The following WWP2 variants were observed in gnomAD, a reference collection of about 807,000 sequenced individuals.
WWP2 encodes the protein WW domain containing E3 ubiquitin protein ligase 2.
Under a neutral mutation model 121.0 loss-of-function variants are expected in WWP2, and 57 were observed. That is an observed-to-expected ratio of 0.47 (90% CI 0.38 to 0.59). WWP2 has a LOEUF of 0.59. WWP2 is among the 20% of genes least tolerant of loss of function. The probability of loss-of-function intolerance (pLI) is 0.00; values close to 1 mark genes in which losing one functional copy is unlikely to be tolerated. For missense variants in WWP2, 962 were observed against 1,158.9 expected (o/e 0.83, Z 2.47); for synonymous variants, 449 against 441.3 (o/e 1.02, Z -0.22).
In WWP2 at chr16:69,887,565, C is replaced by T. The variant is rs910482005; in HGVS notation, c.704-474C>T. ...GGATTATAGGTGTGCGCCACCATGC[C>T]CAGCTAAATTTTGTATTTTTAGCAG... On this transcript the variant is annotated intron_variant, in intron 7 of 23. Transcript: ENST00000359154. Among the ~76,000 whole-genome samples the T allele has an allele frequency of 4.6e-5, 7 of 152,214 alleles. No homozygotes were observed. The South Asian group carries it at 1.4e-3, about 32-fold the overall frequency.
chr16:69,861,452 C>T (rs916036874), intron 6 of WWP2, among the ~76,000 whole-genome samples: 1 of 152,076 alleles, frequency 6.6e-6, no homozygotes, highest in East Asian at 1.9e-4. Context: ...GTTTGTCTTC[C>T]GGAAGTCTTT....
chr16:69,848,186 G>A (rs541960974), intron 6 of WWP2, among the ~76,000 whole-genome samples: 1 of 152,282 alleles, frequency 6.6e-6, no homozygotes, highest in South Asian at 2.1e-4. Flanking sequence ...CAGCGTGCAG[G>A]CTGGGTGTAA....
Position 69,799,481 on chromosome 16 carries a change from CT to C in WWP2, c.340+187del. On this transcript the variant is annotated intron_variant, in intron 4 of 23. Transcript: ENST00000359154. The surrounding 1 kb of genome is among the most constrained non-coding windows in gnomAD (Gnocchi z 4.5). ...TCTGCCTCCACTACAGAGTTTAGCC[CT>C]CTTTGTCCAGGGCCTCTAGTAATGT... The C allele has an allele frequency of 1.3e-6, 1 of 744,678 alleles. No individual in the cohort carries two copies. The highest frequency in any genetic ancestry group is 2.2e-5 in the South Asian group (1 of 45,754). The allele number at this position is 744,678 out of a possible 1,614,324, so 46.1% of individuals were successfully genotyped here.
chr16:69,846,049 C>G (rs540589600), intron 6 of WWP2, among the ~76,000 whole-genome samples: 5 of 45,596 alleles, frequency 1.1e-4, no homozygotes, highest in African/African-American at 4.1e-4. Flanking sequence ...GACTCCATCT[C>G]AAAAAAAAAA....
At chr16:69,764,632 TC>T (rs898291347) in intron 1 of WWP2, among the ~76,000 whole-genome samples, 5 of 152,196 alleles carry the variant, frequency 3.3e-5, no homozygotes, top group African/African-American at 1.2e-4. Flanking sequence ...AGCTTCCTCT[TC>T]CTGGGAAAAC....
intron 10 of WWP2, among the ~76,000 whole-genome samples, chr16:69,918,653 T>C (rs928392745): frequency 6.6e-6 from 1 of 152,220 alleles, no homozygotes; most frequent in Non-Finnish European, 1.5e-5. Context: ...CTTCTGCCCC[T>C]TCCCATCTGA....
At position 69,825,836 on chromosome 16, in the gene WWP2, A is replaced by G. The variant is rs189613100; in HGVS notation, c.341-14290A>G. Among the ~76,000 whole-genome samples, 337 of 152,220 alleles carry G rather than the reference A, an allele frequency of 2.2e-3. 2 individuals are homozygous for G. The highest frequency in any genetic ancestry group is 5.6e-3 in the South Asian group (27 of 4,828). ...GACACAGGATCTCCCTATGTTGCCC[A>G]GGCTGGTCTCAAACTGGGCTCAAGG... On this transcript the variant is annotated intron_variant, in intron 4 of 23. Coordinates refer to ENST00000359154, the MANE Select transcript of WWP2 (RefSeq NM_001270454.2).
intron 4 of WWP2, among the ~76,000 whole-genome samples, chr16:69,816,795 A>G (rs141812307): frequency 0.012 from 1,874 of 152,244 alleles, 13 homozygotes; most frequent in Non-Finnish European, 0.017. Flanking sequence ...ACACACACAC[A>G]TATATACACA....
chr16:69,817,067 C>A (rs2056506774), intron 4 of WWP2, among the ~76,000 whole-genome samples: 1 of 152,194 alleles, frequency 6.6e-6, no homozygotes. Context: ...AGACCTAATC[C>A]AGTTAATACT....
At chr16:69,805,328 G>T (rs56000913) in intron 4 of WWP2, among the ~76,000 whole-genome samples, 1 of 151,790 alleles carries the variant, frequency 6.6e-6, no homozygotes, top group African/African-American at 2.4e-5. Flanking sequence ...GAGTCACTGC[G>T]CCCAGCCTGC....
At chr16:69,894,491 A>AATACAGCAC (rs1320608336) in intron 8 of WWP2, among the ~76,000 whole-genome samples, 1 of 152,194 alleles carries the variant, frequency 6.6e-6, no homozygotes, top group Non-Finnish European at 1.5e-5. Context: ...AAGATGTCCA[A>AATACAGCAC]ATACAGCACT....
intron 9 of WWP2, among the ~76,000 whole-genome samples, chr16:69,917,328 T>C (rs1382275413): frequency 6.6e-6 from 1 of 152,226 alleles, no homozygotes; most frequent in African/African-American, 2.4e-5. Flanking sequence ...CAGGACCACA[T>C]GCTTCCTCAG....
chr16:69,772,833 CTT>C (rs944186919), intron 1 of WWP2, among the ~76,000 whole-genome samples: 3 of 152,028 alleles, frequency 2.0e-5, no homozygotes, highest in African/African-American at 4.8e-5. Flanking sequence ...TTCTGGAATT[CTT>C]CATTGCCAGT....
chr16:69,932,072 A>G (rs4985381), intron 16 of WWP2, among the ~76,000 whole-genome samples, 182 bp downstream of exon 16: 122,642 of 152,288 alleles, frequency 0.81, 49,896 homozygotes, highest in East Asian at 0.96. Context: ...GCTCACGCCT[A>G]TAATCCCAGC....
At chr16:69,846,065 A>AAAAAAAAAAAAAAAAAAAAAAAAAAG (rs2057072112) in intron 6 of WWP2, among the ~76,000 whole-genome samples, 1 of 149,874 alleles carries the variant, frequency 6.7e-6, no homozygotes, top group African/African-American at 2.5e-5. Context: ...AAAAAAAAAA[A>AAAAAAAAAAAAAAAAAAAAAAAAAAG]AAAAAGAATA....
intron 4 of WWP2, among the ~76,000 whole-genome samples, chr16:69,825,879 C>T (rs181658289): frequency 1.6e-4 from 24 of 152,236 alleles, no homozygotes; most frequent in Admixed American, 1.4e-3. Context: ...TCACCTTGGC[C>T]TCTCCAAGTG....
intron 7 of WWP2, among the ~76,000 whole-genome samples, chr16:69,876,506 A>G (rs1055459077): frequency 7.2e-5 from 11 of 152,074 alleles, no homozygotes; most frequent in Non-Finnish European, 1.5e-4. Flanking sequence ...CTGGGATTAC[A>G]GGCATCTGCT....
In WWP2 at chr16:69,937,422, C is replaced by A; in HGVS notation, c.2239-126C>A. On this transcript the variant is annotated intron_variant, in intron 20 of 23. Coordinates refer to ENST00000359154, the MANE Select transcript of WWP2 (RefSeq NM_001270454.2). The surrounding 1 kb of genome is among the most constrained non-coding windows in gnomAD (Gnocchi z 6.6). ...TTCAAGAAAGCAGGGACTTACATTA[C>A]CCATATTATTAACGCTGACACCAAA... is the stretch of plus-strand genomic sequence containing the variant. 7.4e-7 allele frequency: 1 copy of A among 1,342,734 alleles called. No homozygotes were observed. The highest frequency in any genetic ancestry group is 1.0e-6 in the Non-Finnish European group (1 of 971,374). The allele number at this position is 1,342,734 out of a possible 1,614,324, so 83.2% of individuals were successfully genotyped here.
chr16:69,879,478 G>A (rs1489256875), intron 7 of WWP2, among the ~76,000 whole-genome samples: 1 of 151,962 alleles, frequency 6.6e-6, no homozygotes, highest in Non-Finnish European at 1.5e-5. Flanking sequence ...GGATTAACGT[G>A]TCCTTTTGTG....
Sources: gnomAD v4.1 joint callset for allele counts (sites outside exome capture counted in the v4.1 genomes callset) on GRCh38, gnomAD v4.1.1 for gene constraint, Gnocchi (gnomAD v3.1) non-coding constraint, MANE v1.5 for transcripts, NCBI Gene and HGNC (gene_info 2026-07-23, HGNC 2026-07-21) for gene names.